The following HENMT1 variants were observed in gnomAD, a reference collection of about 807,000 sequenced individuals.
HENMT1 encodes small RNA 2'-O-methyltransferase.
In HENMT1, 27 loss-of-function variants were observed where a neutral mutation model predicts 31.1. The observed-to-expected ratio is 0.87, with a 90% CI of 0.64 to 1.20. The LOEUF (loss-of-function observed/expected upper bound fraction) is 1.20. HENMT1 is among the 50% of genes most tolerant of loss of function. The probability of loss-of-function intolerance (pLI) is 0.00; values close to 1 mark genes in which losing one functional copy is unlikely to be tolerated. For synonymous variants in HENMT1, 167 were observed against 172.2 expected (o/e 0.97, Z 0.24); for missense variants, 438 against 469.6 (o/e 0.93, Z 0.62).
chr1:108,648,518 G>T lies in HENMT1; in HGVS notation c.*48C>A. 2.0e-6 allele frequency: 3 copies of T among 1,498,248 alleles called. No homozygotes were observed. The highest frequency in any genetic ancestry group is 1.8e-4 in the Middle Eastern group (1 of 5,602). The allele number at this position is 1,498,248 out of a possible 1,614,324, so 92.8% of individuals were successfully genotyped here. On this transcript the variant is annotated 3_prime_UTR_variant, in exon 8 of 8. Transcript: ENST00000651461. ...ACACAAAAAAAACTAAATTCTAAGT[G>T]AGCACAACTATCGCTGAGACCCTGA... is the stretch of plus-strand genomic sequence containing the variant.
At position 108,650,291 on chromosome 1, in the gene HENMT1, T is replaced by A; in HGVS notation, c.676A>T (p.Ile226Leu). 2 of 1,614,174 alleles carry A rather than the reference T, an allele frequency of 1.2e-6. No homozygotes were observed. Among genetic ancestry groups the A allele is most frequent in the Non-Finnish European group, 1.7e-6 (2 of 1,180,000 alleles). ...GAENVGYCTQIGIFRKNGGKA... is the reference protein window; with the variant it reads ...GAENVGYCTQLGIFRKNGGKA... ...CCTCCATTTTTCCGGAAGATTCCTA[T>A]CTGGGTACAGTATCCAACATTCTCA... Residue 226 changes from isoleucine to leucine, a missense_variant, in exon 7 of 8, where the codon ATA (isoleucine) becomes TTA (leucine). Transcript: ENST00000651461.
At position 108,660,953 on chromosome 1, in the gene HENMT1, C is replaced by T. The variant is rs926698907; in HGVS notation, c.-79+10G>A. 3.6e-5 allele frequency: 35 copies of T among 981,846 alleles called. No individual in the cohort carries two copies. The highest frequency in any genetic ancestry group is 3.9e-5 in the Non-Finnish European group (32 of 826,980). 60.8% of individuals were successfully genotyped at this position (981,846 alleles called of 1,614,324 possible). A position where few individuals can be genotyped will look rare whatever the true frequency, so the allele number is the denominator to read the frequency against. The stretch of plus-strand genomic sequence containing the variant: ...AAAAAAAAAGAAAAAGAAAAAGAAA[C>T]CCTGCTCACTGAAACCAACGCTTCT... On this transcript the variant is annotated intron_variant, in intron 1 of 7. Transcript: ENST00000651461.
chr1:108,655,889 AC>A (rs1658224739), intron 3 of HENMT1, among the ~76,000 whole-genome samples, 191 bp from the exon 4 acceptor site: 1 of 144,812 alleles, frequency 6.9e-6, no homozygotes, highest in Non-Finnish European at 1.5e-5. Flanking sequence ...ACACACACAC[AC>A]ACTAACCTGA....
intron 5 of HENMT1, among the ~76,000 whole-genome samples, chr1:108,653,807 T>C (rs1658131928): frequency 6.6e-6 from 1 of 152,240 alleles, no homozygotes; most frequent in Non-Finnish European, 1.5e-5. Flanking sequence ...TTCTAGATAT[T>C]AATCCCTTGA....
chr1:108,653,725 T>C (rs1450650349), intron 5 of HENMT1, among the ~76,000 whole-genome samples: 1 of 152,258 alleles, frequency 6.6e-6, no homozygotes, highest in Non-Finnish European at 1.5e-5. Flanking sequence ...TGTATGTCTT[T>C]TGAGAAATAT....
At position 108,648,708 on chromosome 1, in the gene HENMT1, A is replaced by C. The variant is rs755233826; in HGVS notation, c.1040T>G (p.Leu347Arg). The C allele has an allele frequency of 1.5e-5, 25 of 1,614,124 alleles. No individual in the cohort carries two copies. The highest frequency in any genetic ancestry group is 1.9e-5 in the Non-Finnish European group (23 of 1,180,044). The change falls in exon 8 of 8, where the codon CTT becomes CGT. Residue 347 changes from leucine (L) to arginine (R), a missense_variant. Coordinates refer to ENST00000651461, the MANE Select transcript of HENMT1 (RefSeq NM_001102592.2). ...TAAGCGGTTCAACTTGGGATACGCA[A>C]GGAGTCTCTGCAGAGGTACGAAAAA... Reference protein sequence around the residue: ...DKFFVPLQRLLAYPKLNRLCA... With the variant: ...DKFFVPLQRLRAYPKLNRLCA...
At position 108,657,438 on chromosome 1, in the gene HENMT1, G is replaced by C. The variant is rs372626339; in HGVS notation, c.150+13C>G. On this transcript the variant is annotated intron_variant, in intron 3 of 7. Transcript: ENST00000651461. ...GTCTTAATAATTAAATGTTTGGAAA[G>C]AGAAATACCTACCTTCTTAGGCTCA... 26 of 1,585,222 alleles carry C rather than the reference G, an allele frequency of 1.6e-5. No individual in the cohort carries two copies. The African/African-American group carries it at 3.5e-4, about 21-fold the overall frequency.
chr1:108,648,456 G>A lies in HENMT1; in HGVS notation c.*110C>T. 1.1e-6 allele frequency: 1 copy of A among 908,198 alleles called. No homozygotes were observed. The highest frequency in any genetic ancestry group is 1.6e-6 in the Non-Finnish European group (1 of 608,936). The allele number at this position is 908,198 out of a possible 1,614,324, so 56.3% of individuals were successfully genotyped here. On this transcript the variant is annotated 3_prime_UTR_variant, in exon 8 of 8. Coordinates refer to ENST00000651461, the MANE Select transcript of HENMT1 (RefSeq NM_001102592.2). ...CCAATGGCTTGGAACATAGACTTTT[G>A]CAGTGAAACTTTAAAAACATTACTT...
At chr1:108,655,765 T>G (rs1658217353) in intron 3 of HENMT1, 67 bp from the exon 4 acceptor site, 2 of 968,148 alleles carry the variant, frequency 2.1e-6, no homozygotes, top group Non-Finnish European at 3.2e-6. Context: ...AAAAACTTTT[T>G]TTTGAGGAGG....
At chr1:108,654,583 A>C in intron 5 of HENMT1, 133 bp downstream of exon 5, 4 of 845,630 alleles carry the variant, frequency 4.7e-6, no homozygotes, top group Non-Finnish European at 7.1e-6. Flanking sequence ...AGCAGAGTAA[A>C]AAGATATTCC....
rs141386408 is a variant in HENMT1 at position 108,655,622 on chromosome 1, C to A, written c.227G>T (p.Gly76Val). 10 of 1,611,170 alleles carry A rather than the reference C, an allele frequency of 6.2e-6. No individual in the cohort carries two copies. Among genetic ancestry groups the A allele is most frequent in the Non-Finnish European group, 7.6e-6 (9 of 1,178,598 alleles). The change falls in exon 4 of 8, where the codon GGA (glycine) becomes GTA (valine). Residue 76 changes from glycine (G) to valine (V), a missense_variant. Coordinates refer to ENST00000651461, the MANE Select transcript of HENMT1 (RefSeq NM_001102592.2). ...TAATTTATCCTCATTAATATCTACT[C>A]CAACAAGCAATTCAATGCATGGATT... is the stretch of plus-strand genomic sequence containing the variant. ...KVNPCIELLV[G>V]VDINEDKLRW...
rs774286365 is a variant in HENMT1 at position 108,654,833 on chromosome 1, A to G, written c.281T>C (p.Phe94Ser). ...LRWRGDSLAP[F>S]LGDFLKPRDL... ...CCGAGGTTTCAGAAAATCCCCCAGGAAAGGAGCTAACGAATCCCTGCAAAA... is the reference window on the plus strand; with the variant it reads ...CCGAGGTTTCAGAAAATCCCCCAGGGAAGGAGCTAACGAATCCCTGCAAAA... The change falls in exon 5 of 8, where the codon TTC becomes TCC. Residue 94 changes from phenylalanine to serine, a missense_variant. By Grantham distance (155) the Phe-to-Ser change is radical. Coordinates refer to ENST00000651461, the MANE Select transcript of HENMT1 (RefSeq NM_001102592.2). The G allele has an allele frequency of 2.9e-5, 46 of 1,613,986 alleles. No individual in the cohort carries two copies. Among genetic ancestry groups the G allele is most frequent in the Middle Eastern group, 1.6e-4 (1 of 6,084 alleles).
chr1:108,660,045 C>G, intron 1 of HENMT1, 83 bp from the exon 2 acceptor site: 1 of 554,156 alleles, frequency 1.8e-6, no homozygotes, highest in Non-Finnish European at 2.9e-6. Flanking sequence ...ACGAAAGCCT[C>G]TTTCTTACTC....
At chr1:108,649,286 A>C (rs1365954353) in intron 7 of HENMT1, 1 of 518,908 alleles carries the variant, frequency 1.9e-6, no homozygotes, top group African/African-American at 1.9e-5. Context: ...GGCAAAAAAA[A>C]ATGAAAAATG....
chr1:108,648,853 C>G lies in HENMT1; in HGVS notation c.895G>C (p.Asp299His). 1 of 1,614,214 alleles carries G rather than the reference C, an allele frequency of 6.2e-7. No individual in the cohort carries two copies. Among genetic ancestry groups the G allele is most frequent in the Non-Finnish European group, 8.5e-7 (1 of 1,180,042 alleles). Residue 299 changes from aspartate to histidine, a missense_variant, in exon 8 of 8, where the codon GAT (aspartate) becomes CAT (histidine). Transcript: ENST00000651461. ...RRKEQAGERG[D>H]KPKDIGGSKA... ...GAGCCACCAATGTCTTTGGGCTTATCACCCCGTTCCCCAGCCTGTTCTTTC... is the reference window on the plus strand; with the variant it reads ...GAGCCACCAATGTCTTTGGGCTTATGACCCCGTTCCCCAGCCTGTTCTTTC...
intron 2 of HENMT1, among the ~76,000 whole-genome samples, chr1:108,659,168 T>C (rs1658360767): frequency 6.6e-6 from 1 of 152,218 alleles, no homozygotes; most frequent in Non-Finnish European, 1.5e-5. Flanking sequence ...GTATTGGATT[T>C]AAAAACTTTA....
intron 3 of HENMT1, among the ~76,000 whole-genome samples, chr1:108,656,520 C>G (rs1262860229): frequency 2.6e-5 from 4 of 152,172 alleles, no homozygotes; most frequent in Non-Finnish European, 5.9e-5. Context: ...GGCTCTTTCT[C>G]TGTTGCCCAG....
At chr1:108,649,390 T>C (rs1406155412) in intron 7 of HENMT1, 4 of 457,820 alleles carry the variant, frequency 8.7e-6, no homozygotes, top group Non-Finnish European at 1.8e-5. Context: ...TGCTTGAGGA[T>C]GGAAGTTCAA....
chr1:108,659,730 C>A (rs1456102522), intron 2 of HENMT1, 134 bp downstream of exon 2: 2 of 602,638 alleles, frequency 3.3e-6, no homozygotes, highest in African/African-American at 1.9e-5. Context: ...CTATGTATAC[C>A]CTTGTTTACC....
Sources: gnomAD v4.1 joint callset for allele counts (sites outside exome capture counted in the v4.1 genomes callset) on GRCh38, gnomAD v4.1.1 for gene constraint, MANE v1.5 for transcripts, NCBI Gene and HGNC (gene_info 2026-07-23, HGNC 2026-07-21) for gene names.